Variants in SPATA3 observed in about 807,000 individuals in gnomAD.
SPATA3 encodes the protein spermatogenesis associated 3.
A neutral mutation model predicts 5.7 loss-of-function variants in SPATA3; 6 were observed. The observed-to-expected ratio is 1.06, with a 90% confidence interval of 0.58 to 2.09. The LOEUF (loss-of-function observed/expected upper bound fraction) is 2.09. SPATA3 is among the 30% of genes most tolerant of loss of function. SPATA3 has a pLI of 0.00. For synonymous variants in SPATA3, 44 were observed against 48.4 expected (o/e 0.91, Z 0.37); for missense variants, 155 against 130.4 (o/e 1.19, Z -0.92).
chr2:231,016,504 TACA>T (rs1692941322), intron 6 of SPATA3, among the ~76,000 whole-genome samples: 2 of 44,784 alleles, frequency 4.5e-5, no homozygotes, highest in African/African-American at 3.0e-4. Context: ...ACCCTGTCTC[TACA>T]AAAAAAAAAA....
chr2:230,996,169 C>T, intron 1 of SPATA3: 1 of 1,488,930 alleles, frequency 6.7e-7, no homozygotes, highest in South Asian at 1.3e-5. Context: ...AACGGCCCCT[C>T]CAGGAGGGAG....
intron 1 of SPATA3, chr2:230,996,175 G>A (rs1692108877): frequency 1.3e-6 from 2 of 1,488,854 alleles, no homozygotes; most frequent in African/African-American, 1.4e-5. Flanking sequence ...CCCTCCAGGA[G>A]GGAGCCGGGA....
chr2:231,004,601 C>T (rs1574662869), downstream of SPATA3, among the ~76,000 whole-genome samples: 1 of 152,238 alleles, frequency 6.6e-6, no homozygotes, highest in African/African-American at 2.4e-5. Flanking sequence ...TGGGTGGATG[C>T]TGGCCACTGG....
At chr2:231,012,635 T>A (rs550123756) in exon 5 of SPATA3, 1 of 152,298 alleles carries the variant, frequency 6.6e-6, no homozygotes, top group South Asian at 2.1e-4. Flanking sequence ...GAAGGTATTA[T>A]GTACAGAAGA....
chr2:231,001,071 C>T (rs1392105926), intron 2 of SPATA3, among the ~76,000 whole-genome samples: 1 of 152,224 alleles, frequency 6.6e-6, no homozygotes, highest in Non-Finnish European at 1.5e-5. Flanking sequence ...GTGCTGGGCT[C>T]TTTCTGGGGG....
downstream of SPATA3, among the ~76,000 whole-genome samples, chr2:231,012,241 G>A (rs572385126): frequency 6.6e-6 from 1 of 152,338 alleles, no homozygotes; most frequent in South Asian, 2.1e-4. Context: ...TTAAAAAGAA[G>A]AGTTCTGTTC....
rs191190677 is a variant in SPATA3 at position 230,999,292 on chromosome 2, C to T, written c.791-1074C>T. 3.7e-4 allele frequency among the ~76,000 whole-genome samples: 56 copies of T among 151,080 alleles called. No individual in the cohort carries two copies. The East Asian group carries it at 6.2e-3, about 17-fold the overall frequency. On this transcript the variant is annotated intron_variant, in intron 1 of 2. Coordinates refer to ENST00000645363, the Ensembl canonical transcript of SPATA3. ...GGGTTTCTTTTTGGGGAAATGAAGA[C>T]GTTCTGAAATTAGTGGTGATGGCCA...
intron 7 of SPATA3, chr2:231,020,036 C>T (rs1313343052): frequency 6.7e-6 from 1 of 149,584 alleles, no homozygotes; most frequent in Non-Finnish European, 1.5e-5. Flanking sequence ...AAAACAGTTA[C>T]CTCTGGTCCC....
At chr2:231,017,019 A>G (rs1051444333) in intron 6 of SPATA3, among the ~76,000 whole-genome samples, 1 of 152,190 alleles carries the variant, frequency 6.6e-6, no homozygotes, top group African/African-American at 2.4e-5. Context: ...TTTCTATGTA[A>G]TATCTCATTT....
downstream of SPATA3, among the ~76,000 whole-genome samples, chr2:231,010,435 G>A (rs1292467872): frequency 2.0e-5 from 3 of 152,224 alleles, no homozygotes; most frequent in African/African-American, 7.2e-5. Context: ...GATCTTCTCT[G>A]GAATGGGGGT....
intron 1 of SPATA3, chr2:230,996,187 A>T: frequency 6.6e-7 from 1 of 1,510,534 alleles, no homozygotes; most frequent in Non-Finnish European, 8.8e-7. Flanking sequence ...GAGCCGGGAG[A>T]TTACGCAGCT....
downstream of SPATA3, among the ~76,000 whole-genome samples, chr2:231,009,167 G>A (rs1211369334): frequency 6.6e-6 from 1 of 152,238 alleles, no homozygotes; most frequent in Non-Finnish European, 1.5e-5. Flanking sequence ...GTTACCAAAA[G>A]AGATGGGAAT....
intron 6 of SPATA3, among the ~76,000 whole-genome samples, chr2:231,019,123 C>G (rs1205832236): frequency 8.3e-6 from 1 of 119,824 alleles, no homozygotes; most frequent in South Asian, 2.7e-4. Context: ...CCCGCCACAA[C>G]GCTTGGCTAA....
At chr2:230,997,882 G>A (rs908679231) in intron 1 of SPATA3, among the ~76,000 whole-genome samples, 2 of 152,184 alleles carry the variant, frequency 1.3e-5, no homozygotes, top group Admixed American at 6.5e-5. Flanking sequence ...ATTTTCACAC[G>A]TGATAATCCT....
At chr2:231,014,400 C>G (rs1264165019) in intron 6 of SPATA3, among the ~76,000 whole-genome samples, 1 of 152,218 alleles carries the variant, frequency 6.6e-6, no homozygotes. Flanking sequence ...TCTGAGGACA[C>G]CCTATTCTGT....
At position 231,015,257 on chromosome 2, in the gene SPATA3, C is replaced by CTT. The variant is rs35102459; in HGVS notation, c.*565+1066_*565+1067dup. 9.4e-4 allele frequency among the ~76,000 whole-genome samples: 88 copies of CTT among 94,088 alleles called. 3 individuals carry two copies. The highest frequency in any genetic ancestry group is 1.2e-3 in the African/African-American group (26 of 21,030). The allele number at this position is 94,088 out of a possible 152,430, so 61.7% of individuals were successfully genotyped here. ...CACACCCAGCTAACTATCGTTTTGG[C>CTT]TTTTTTTTTTTTTTTTTTTTTTGGT... On this transcript the variant is annotated intron_variant, in intron 6 of 8. Transcript: ENST00000452881.
chr2:230,999,188 T>G (rs968195441), intron 1 of SPATA3, among the ~76,000 whole-genome samples: 4 of 152,186 alleles, frequency 2.6e-5, no homozygotes, highest in African/African-American at 9.7e-5. Flanking sequence ...TCTATTTACA[T>G]GAAATGTTCA....
At chr2:231,006,058 G>T (rs2125112261), downstream of SPATA3, among the ~76,000 whole-genome samples, 1 of 151,820 alleles carries the variant, frequency 6.6e-6, no homozygotes, top group South Asian at 2.1e-4. Context: ...AGCCAGGCAT[G>T]GTCGTACACA....
At chr2:230,999,498 G>A (rs1471217257) in intron 1 of SPATA3, 1 of 152,236 alleles carries the variant, frequency 6.6e-6, no homozygotes. Flanking sequence ...TAAGCAGAAA[G>A]TGTATTGAAT....
Sources: gnomAD v4.1 joint callset for allele counts (sites outside exome capture counted in the v4.1 genomes callset) on GRCh38, gnomAD v4.1.1 for gene constraint, MANE v1.5 for transcripts, NCBI Gene and HGNC (gene_info 2026-07-23, HGNC 2026-07-21) for gene names.